TARS3: variants seen among roughly 807,000 people sequenced by gnomAD.
TARS3 encodes the protein threonyl-tRNA synthetase 3.
A neutral mutation model predicts 103.5 loss-of-function variants in TARS3; 94 were observed. The observed-to-expected ratio is 0.91, with a 90% confidence interval of 0.77 to 1.08. TARS3 has a LOEUF of 1.08. Ranked by LOEUF, TARS3 falls within the 50% of genes least tolerant of loss-of-function variation. The pLI, the probability that TARS3 is intolerant of heterozygous loss-of-function variation, is 0.00. For missense variants in TARS3, 952 were observed against 995.2 expected, an observed-to-expected ratio of 0.96 and a Z score of 0.58; for synonymous variants, 416 against 355.4, an observed-to-expected ratio of 1.17 and a Z score of -1.92.
At chr15:101,661,175 C>T (rs1897362907) in intron 16 of TARS3, among the ~76,000 whole-genome samples, 1 of 151,976 alleles carries the variant, frequency 6.6e-6, no homozygotes, top group Non-Finnish European at 1.5e-5. Context: ...CAAAATTCTG[C>T]ACTTTAGGAC....
In TARS3 at chr15:101,685,979, C is replaced by T; in HGVS notation, c.1404G>A (p.Trp468Ter). Residue 468 changes from tryptophan to a stop codon, truncating the protein, a stop_gained, in exon 11 of 19, where the codon TGG becomes TGA. Coordinates refer to ENST00000335968, the MANE Select transcript of TARS3 (RefSeq NM_152334.3). LOFTEE classifies it high-confidence loss of function. Reference protein sequence around the residue: ...NSKLWEASGHWQHYSENMFTF... With the variant: ...NSKLWEASGH ...TAAACATGTTCTCGCTGTAATGCTG[C>T]CAGTGGCCTGAGGCTTCCCAGAGTT... 1 of 1,614,058 alleles carries T rather than the reference C, an allele frequency of 6.2e-7. No individual in the cohort carries two copies. The highest frequency in any genetic ancestry group is 8.5e-7 in the Non-Finnish European group (1 of 1,179,906).
intron 10 of TARS3, among the ~76,000 whole-genome samples, chr15:101,691,698 C>T (rs1003020476): frequency 6.6e-5 from 10 of 152,174 alleles, no homozygotes; most frequent in African/African-American, 1.2e-4. Flanking sequence ...CAGTTAAAAT[C>T]TAATTACTTA....
chr15:101,696,833 T>C (rs1899004801), intron 10 of TARS3, among the ~76,000 whole-genome samples: 1 of 152,222 alleles, frequency 6.6e-6, no homozygotes, highest in Non-Finnish European at 1.5e-5. Context: ...TTTACACAAC[T>C]GAGCAGCATT....
At chr15:101,698,356 A>T (rs1899086533) in intron 10 of TARS3, among the ~76,000 whole-genome samples, 1 of 152,024 alleles carries the variant, frequency 6.6e-6, no homozygotes, top group African/African-American at 2.4e-5. Context: ...AAATAAAAAA[A>T]TACATAAATA....
intron 12 of TARS3, among the ~76,000 whole-genome samples, chr15:101,677,846 G>C: frequency 7.8e-6 from 1 of 128,446 alleles, no homozygotes; most frequent in Non-Finnish European, 1.7e-5. Context: ...TAGTCAGTCT[G>C]GTCTCGAACT....
At chr15:101,699,398 G>C in intron 10 of TARS3, 1 of 455,894 alleles carries the variant, frequency 2.2e-6, no homozygotes, top group Non-Finnish European at 4.4e-6. Context: ...CTCACAATCA[G>C]GCCCTGCTCC....
At chr15:101,688,703 GAGA>G (rs1898578189) in intron 10 of TARS3, among the ~76,000 whole-genome samples, 1 of 152,168 alleles carries the variant, frequency 6.6e-6, no homozygotes, top group Non-Finnish European at 1.5e-5. Flanking sequence ...GAAAATAGGA[GAGA>G]AGATGAATGC....
At chr15:101,676,801 CCTTT>C (rs1898045794) in intron 12 of TARS3, among the ~76,000 whole-genome samples, 1 of 148,224 alleles carries the variant, frequency 6.7e-6, no homozygotes, top group African/African-American at 2.6e-5. Context: ...GCCACTACAC[CCTTT>C]TTTTTTTTTT....
In TARS3 at chr15:101,685,881, G is replaced by A. The variant is rs758695502; in HGVS notation, c.1487+15C>T. The A allele has an allele frequency of 7.0e-5, 112 of 1,604,724 alleles. 1 individual carries two copies. Among genetic ancestry groups the A allele is most frequent in the South Asian group, 4.9e-4 (44 of 89,978 alleles). ...GTGCTCTCATGAAAAGGTCTGCTTC[G>A]CTTTTAATACTCACCAGTGCCCTGG... On this transcript the variant is annotated intron_variant, in intron 11 of 18. Transcript: ENST00000335968.
intron 17 of TARS3, among the ~76,000 whole-genome samples, chr15:101,657,414 A>G (rs1897232137): frequency 6.6e-6 from 1 of 152,202 alleles, no homozygotes; most frequent in Non-Finnish European, 1.5e-5. Flanking sequence ...GCCAGAATCC[A>G]CCAGCTGAGC....
intron 3 of TARS3, among the ~76,000 whole-genome samples, chr15:101,720,745 G>T (rs1427193778): frequency 6.6e-6 from 1 of 152,118 alleles, no homozygotes; most frequent in Non-Finnish European, 1.5e-5. Flanking sequence ...TTTGTGGAAG[G>T]GACCCAGTGG....
chr15:101,694,325 T>C (rs1453159027), intron 10 of TARS3, among the ~76,000 whole-genome samples: 1 of 152,212 alleles, frequency 6.6e-6, no homozygotes, highest in Admixed American at 6.5e-5. Context: ...GCAGTTCCAG[T>C]TCTGAGGAAA....
At chr15:101,686,176 T>G in intron 10 of TARS3, 114 bp from the exon 11 acceptor site, 1 of 897,336 alleles carries the variant, frequency 1.1e-6, no homozygotes, top group Non-Finnish European at 1.7e-6. Flanking sequence ...TATTAATTCA[T>G]GATTAATGTA....
intron 3 of TARS3, among the ~76,000 whole-genome samples, chr15:101,720,140 C>CAAT (rs1209021412): frequency 2.0e-5 from 3 of 152,152 alleles, no homozygotes; most frequent in Non-Finnish European, 4.4e-5. Context: ...GAGCATTTAA[C>CAAT]AATATAATAG....
At chr15:101,665,716 T>C (rs1023296958) in intron 15 of TARS3, among the ~76,000 whole-genome samples, 1 of 152,230 alleles carries the variant, frequency 6.6e-6, no homozygotes, top group East Asian at 1.9e-4. Flanking sequence ...TCAGCTTGAG[T>C]TTAAGACGGC....
intron 1 of TARS3, among the ~76,000 whole-genome samples, chr15:101,723,531 G>C (rs1157609728): frequency 1.3e-5 from 2 of 152,198 alleles, no homozygotes; most frequent in African/African-American, 2.4e-5. Context: ...CTCAGCCTGA[G>C]AAGCTTCAGG....
At chr15:101,673,283 C>A (rs1897886344) in intron 13 of TARS3, among the ~76,000 whole-genome samples, 1 of 152,162 alleles carries the variant, frequency 6.6e-6, no homozygotes, top group Non-Finnish European at 1.5e-5. Context: ...AGCCTATTCT[C>A]CCCATGCCAG....
intron 10 of TARS3, among the ~76,000 whole-genome samples, chr15:101,697,713 G>GA (rs1899048230): frequency 1.3e-5 from 2 of 152,204 alleles, no homozygotes; most frequent in Admixed American, 1.3e-4. Flanking sequence ...AAGACACTGT[G>GA]AAAACCTCAG....
intron 12 of TARS3, among the ~76,000 whole-genome samples, chr15:101,676,744 T>C (rs560123911): frequency 6.6e-6 from 1 of 151,842 alleles, no homozygotes; most frequent in South Asian, 2.1e-4. Context: ...TGGCCTCAAG[T>C]GACCCACCTG....
Sources: allele counts gnomAD v4.1 joint callset (sites outside exome capture counted in the v4.1 genomes callset), GRCh38; gene constraint gnomAD v4.1.1; transcripts MANE v1.5; gene names NCBI Gene and HGNC (gene_info 2026-07-23, HGNC 2026-07-21).